The following LRP1B variants were observed in gnomAD, a reference collection of about 807,000 sequenced individuals.
LRP1B encodes the protein low-density lipoprotein receptor-related protein 1B.
A neutral mutation model predicts 556.6 loss-of-function variants in LRP1B; 217 were observed. The observed-to-expected ratio is 0.39, with a 90% CI of 0.35 to 0.44. The LOEUF (loss-of-function observed/expected upper bound fraction) is 0.44. Ranked by LOEUF, LRP1B falls within the 20% of genes least tolerant of loss-of-function variation. The pLI, the probability that LRP1B is intolerant of heterozygous loss-of-function variation, is 1.00. For missense variants in LRP1B, 5,053 were observed against 5,620.8 expected, an observed-to-expected ratio of 0.90 and a Z score of 3.23; for synonymous variants, 2,047 against 1,865.8, an observed-to-expected ratio of 1.10 and a Z score of -2.50.
At chr2:141,953,366 G>A (rs1202964180) in intron 1 of LRP1B, among the ~76,000 whole-genome samples, 1 of 151,970 alleles carries the variant, frequency 6.6e-6, no homozygotes, top group Non-Finnish European at 1.5e-5. Context: ...TTTGAAATGA[G>A]TATCAGTTTC....
rs184130595 is a variant in LRP1B at position 140,532,456 on chromosome 2, A to G, written c.7762+1565T>C. 2.5e-3 allele frequency among the ~76,000 whole-genome samples: 387 copies of G among 151,842 alleles called. 2 individuals carry two copies. Among genetic ancestry groups the G allele is most frequent in the African/African-American group, 8.9e-3 (370 of 41,424 alleles). ...TCTATCACCAAGCTGGAGTGCAGTG[A>G]TGTGATCTCAACTCACTGCAACCTT... On this transcript the variant is annotated intron_variant, in intron 47 of 90. Coordinates refer to ENST00000389484, the MANE Select transcript of LRP1B (RefSeq NM_018557.3).
At chr2:141,819,059 T>C (rs905926452) in intron 1 of LRP1B, among the ~76,000 whole-genome samples, 3 of 150,516 alleles carry the variant, frequency 2.0e-5, no homozygotes, top group African/African-American at 4.9e-5. Flanking sequence ...ACCAACATGG[T>C]GAAACCCCAC....
At chr2:141,258,468 C>T (rs956024493) in intron 3 of LRP1B, among the ~76,000 whole-genome samples, 3 of 151,958 alleles carry the variant, frequency 2.0e-5, no homozygotes, top group African/African-American at 7.3e-5. Context: ...GACTCCGCCT[C>T]AAAAATAAAT....
Position 140,400,411 on chromosome 2 carries a change from C to T in LRP1B, c.10415-14402G>A, listed in dbSNP as rs112047753. Among the ~76,000 whole-genome samples, 181 of 152,290 alleles carry T rather than the reference C, an allele frequency of 1.2e-3. 3 individuals carry two copies. The highest frequency in any genetic ancestry group is 3.6e-3 in the African/African-American group (149 of 41,550). ...GAATCTCGTTCCTGTAGCAACATAC[C>T]TGATAATGTACCCTCTATTGGGTTT... is the stretch of plus-strand genomic sequence containing the variant. On this transcript the variant is annotated intron_variant, in intron 66 of 90. Coordinates refer to ENST00000389484, the MANE Select transcript of LRP1B (RefSeq NM_018557.3).
At chr2:140,813,521 A>G (rs1690998901) in intron 32 of LRP1B, 136 bp downstream of exon 32, 6 of 680,958 alleles carry the variant, frequency 8.8e-6, no homozygotes, top group Non-Finnish European at 1.5e-5. Flanking sequence ...AAGAGAAGAA[A>G]ACCTCATAGA....
chr2:141,082,565 ATGT>A (rs1699951897), intron 7 of LRP1B, among the ~76,000 whole-genome samples: 3 of 152,222 alleles, frequency 2.0e-5, no homozygotes, highest in African/African-American at 7.2e-5. Context: ...TATCTTACCC[ATGT>A]AACTCTTATC....
At chr2:141,978,524 A>T (rs1008756375) in intron 1 of LRP1B, among the ~76,000 whole-genome samples, 1 of 152,064 alleles carries the variant, frequency 6.6e-6, no homozygotes, top group Non-Finnish European at 1.5e-5. Context: ...TAATTTAAAA[A>T]TTTTATATTG....
At chr2:141,811,707 G>A (rs1380560664) in intron 1 of LRP1B, among the ~76,000 whole-genome samples, 1 of 151,986 alleles carries the variant, frequency 6.6e-6, no homozygotes, top group Non-Finnish European at 1.5e-5. Flanking sequence ...CCAACAGCAT[G>A]CTCATCACCA....
chr2:140,648,682 GAAGT>G (rs1276723552), intron 41 of LRP1B, among the ~76,000 whole-genome samples: 3 of 152,196 alleles, frequency 2.0e-5, no homozygotes, highest in Non-Finnish European at 2.9e-5. Context: ...GCCACAGTCT[GAAGT>G]AAGATAGCTT....
intron 41 of LRP1B, among the ~76,000 whole-genome samples, chr2:140,647,682 G>A (rs1468666836): frequency 2.0e-5 from 3 of 152,132 alleles, no homozygotes; most frequent in Non-Finnish European, 2.9e-5. Flanking sequence ...AAAAAATTAT[G>A]CATTTTTGCT....
chr2:141,800,165 T>C (rs1407515731), intron 2 of LRP1B, among the ~76,000 whole-genome samples: 1 of 152,176 alleles, frequency 6.6e-6, no homozygotes, highest in African/African-American at 2.4e-5. Flanking sequence ...TACATACATC[T>C]GGATAGCATA....
intron 1 of LRP1B, among the ~76,000 whole-genome samples, chr2:142,128,464 T>C (rs1327602383): frequency 6.6e-6 from 1 of 152,222 alleles, no homozygotes; most frequent in Non-Finnish European, 1.5e-5. Flanking sequence ...TATTCCCATA[T>C]CTTCTGTTTC....
At chr2:141,184,372 T>A (rs944979709) in intron 7 of LRP1B, among the ~76,000 whole-genome samples, 1 of 151,818 alleles carries the variant, frequency 6.6e-6, no homozygotes, top group East Asian at 2.0e-4. Flanking sequence ...ATGCAGGCCA[T>A]CAAAAAAATC....
chr2:140,475,042 GT>G (rs1248599589), intron 60 of LRP1B, 95 bp downstream of exon 60: 6 of 485,344 alleles, frequency 1.2e-5, no homozygotes, highest in Non-Finnish European at 1.9e-5. Flanking sequence ...AATTAAATAT[GT>G]TTTATGAGAG....
At chr2:140,680,266 C>A (rs192631390) in intron 41 of LRP1B, among the ~76,000 whole-genome samples, 1 of 152,264 alleles carries the variant, frequency 6.6e-6, no homozygotes, top group Non-Finnish European at 1.5e-5. Flanking sequence ...AGGCATGGAG[C>A]TTTAAATGTA....
chr2:140,650,182 A>G (rs537316417), intron 41 of LRP1B, among the ~76,000 whole-genome samples: 62 of 151,964 alleles, frequency 4.1e-4, no homozygotes, highest in African/African-American at 1.4e-3. Context: ...TAATTTCTAG[A>G]TACTTATTTG....
chr2:140,706,978 TAATA>T (rs889032309), intron 37 of LRP1B, among the ~76,000 whole-genome samples: 3 of 152,092 alleles, frequency 2.0e-5, no homozygotes, highest in Non-Finnish European at 4.4e-5. Context: ...TGAAAGAAAA[TAATA>T]AATAAGTCTA....
intron 41 of LRP1B, among the ~76,000 whole-genome samples, chr2:140,644,401 C>CT (rs34828807): frequency 0.1 from 13,754 of 132,764 alleles, 1,010 homozygotes; most frequent in East Asian, 0.2. Context: ...TTTCTTTTTT[C>CT]TTTTTTTTTT....
intron 7 of LRP1B, among the ~76,000 whole-genome samples, chr2:141,104,507 T>A (rs757957811): frequency 5.9e-5 from 9 of 152,100 alleles, no homozygotes; most frequent in Non-Finnish European, 1.3e-4. Context: ...ACTTAATGCC[T>A]GTTGACTTAT....
Sources: allele counts gnomAD v4.1 joint callset (sites outside exome capture counted in the v4.1 genomes callset), GRCh38; gene constraint gnomAD v4.1.1; transcripts MANE v1.5; gene names NCBI Gene and HGNC (gene_info 2026-07-23, HGNC 2026-07-21).